Variants in ABCG1 observed in about 807,000 individuals in gnomAD.
The protein encoded by ABCG1 is ATP-binding cassette sub-family G member 1.
Under a neutral mutation model 69.2 loss-of-function variants are expected in ABCG1, and 29 were observed. The ratio of observed to expected loss-of-function variants is 0.42; its 90% CI spans 0.31 to 0.57. ABCG1 has a LOEUF of 0.57. Among genes scored for constraint, ABCG1 ranks in the 20% least tolerant of loss-of-function variants. The probability of loss-of-function intolerance (pLI) is 0.15; values close to 1 mark genes in which losing one functional copy is unlikely to be tolerated. For synonymous variants in ABCG1, 370 were observed against 374.8 expected (o/e 0.99, Z 0.15); for missense variants, 718 against 898.1 (o/e 0.80, Z 2.56).
At chr21:42,239,188 T>G (rs1288946864) in intron 2 of ABCG1, among the ~76,000 whole-genome samples, 1 of 152,162 alleles carries the variant, frequency 6.6e-6, no homozygotes, top group Admixed American at 6.5e-5. Context: ...GGGTTCAGAA[T>G]TGGCTCCACC....
chr21:42,259,543 TG>T, intron 2 of ABCG1: 4 of 1,528,436 alleles, frequency 2.6e-6, no homozygotes, highest in Non-Finnish European at 3.5e-6. Flanking sequence ...AGTCATCATG[TG>T]GGCCCTCAGG....
intron 2 of ABCG1, among the ~76,000 whole-genome samples, chr21:42,210,305 T>A (rs1334281034): frequency 1.3e-5 from 2 of 151,982 alleles, no homozygotes; most frequent in Non-Finnish European, 2.9e-5. Context: ...CCACACGGAG[T>A]CAGGGGTGGG....
Position 42,238,749 on chromosome 21 carries a change from G to A in ABCG1, c.286+12835G>A, listed in dbSNP as rs1165917192. Among the ~76,000 whole-genome samples the A allele has an allele frequency of 4.6e-5, 7 of 152,194 alleles. No individual in the cohort carries two copies. The East Asian group carries it at 5.8e-4, about 13-fold the overall frequency. ...GATGTGAGATGTTATCAGCTCCTGCGTGTTTTAGTCTTGTGGCTAGATGGT... is the reference window on the plus strand; with the variant it reads ...GATGTGAGATGTTATCAGCTCCTGCATGTTTTAGTCTTGTGGCTAGATGGT... On this transcript the variant is annotated intron_variant, in intron 2 of 14. Coordinates refer to ENST00000398449, the MANE Select transcript of ABCG1 (RefSeq NM_016818.3).
intron 2 of ABCG1, among the ~76,000 whole-genome samples, chr21:42,240,128 G>A (rs2068030150): frequency 6.6e-6 from 1 of 152,234 alleles, no homozygotes; most frequent in Non-Finnish European, 1.5e-5. Context: ...CAGGATGAGG[G>A]CGGCTGTAGC....
chr21:42,271,694 C>A (rs1368738146), intron 3 of ABCG1, among the ~76,000 whole-genome samples: 1 of 152,110 alleles, frequency 6.6e-6, no homozygotes, highest in Non-Finnish European at 1.5e-5. Flanking sequence ...CCAGCCTGGC[C>A]AACATGATGA....
chr21:42,293,614 C>CACTACACACACACCACAG, intron 13 of ABCG1, among the ~76,000 whole-genome samples: 1 of 104,302 alleles, frequency 9.6e-6, no homozygotes, highest in African/African-American at 3.3e-5. Flanking sequence ...ACACACCACA[C>CACTACACACACACCACAG]TACACACTAC....
In ABCG1 at chr21:42,219,709, A is replaced by G. The variant is rs2067689990; in HGVS notation, c.42+405A>G. ...GGGAAGAGGGGACTTGAAGAAGGGGAGCCCCGCGCGCGCGGCTGTGGGCTT... is the reference window on the plus strand; with the variant it reads ...GGGAAGAGGGGACTTGAAGAAGGGGGGCCCCGCGCGCGCGGCTGTGGGCTT... On this transcript the variant is annotated intron_variant, in intron 1 of 14. Coordinates refer to ENST00000398449, the MANE Select transcript of ABCG1 (RefSeq NM_016818.3). This position sits in a 1 kb window ranked among gnomAD's most constrained non-coding sequence, Gnocchi z 5.3. 2.1e-6 allele frequency: 2 copies of G among 943,930 alleles called. No homozygotes were observed. The highest frequency in any genetic ancestry group is 3.0e-6 in the Non-Finnish European group (2 of 668,108). The allele number at this position is 943,930 out of a possible 1,614,324, so 58.5% of individuals were successfully genotyped here.
chr21:42,271,208 C>A, intron 3 of ABCG1, 21 bp downstream of exon 3: 1 of 1,474,378 alleles, frequency 6.8e-7, no homozygotes, highest in African/African-American at 1.4e-5. Flanking sequence ...CTGCCCAGGG[C>A]GCAAAGTTCT....
chr21:42,234,585 C>G (rs111286849), intron 2 of ABCG1, among the ~76,000 whole-genome samples: 1 of 152,218 alleles, frequency 6.6e-6, no homozygotes, highest in Non-Finnish European at 1.5e-5. Context: ...CCTCCCAGGG[C>G]GGGATTCATC....
At chr21:42,210,821 CCT>C (rs2067581437) in intron 2 of ABCG1, among the ~76,000 whole-genome samples, 1 of 152,168 alleles carries the variant, frequency 6.6e-6, no homozygotes, top group African/African-American at 2.4e-5. Context: ...AAGAAGGGGT[CCT>C]CTCTATAGCT....
At chr21:42,290,974 A>T in intron 11 of ABCG1, 118 bp from the exon 12 acceptor site, 4 of 701,668 alleles carry the variant, frequency 5.7e-6, no homozygotes, top group Non-Finnish European at 7.5e-6. Flanking sequence ...TCAATCTCTC[A>T]GTGCCCTAGG....
At chr21:42,285,767 G>T (rs1178297582) in intron 7 of ABCG1, 113 bp from the exon 8 acceptor site, 2 of 765,708 alleles carry the variant, frequency 2.6e-6, no homozygotes, top group East Asian at 2.5e-5. Flanking sequence ...GTGGCTGATC[G>T]CTGGGCTGAC....
At chr21:42,289,035 C>A (rs945558637) in intron 10 of ABCG1, among the ~76,000 whole-genome samples, 1 of 152,226 alleles carries the variant, frequency 6.6e-6, no homozygotes, top group African/African-American at 2.4e-5. Flanking sequence ...CAGGCCCCAT[C>A]TCCAACATTG....
At chr21:42,259,342 CT>C in intron 2 of ABCG1, 2 of 1,549,944 alleles carry the variant, frequency 1.3e-6, no homozygotes, top group Non-Finnish European at 1.7e-6. Context: ...CAGGTGGCAG[CT>C]TTAGCTTCTG....
At position 42,288,321 on chromosome 21, in the gene ABCG1, G is replaced by GC. The variant is rs2234720; in HGVS notation, c.1224+12dup. The GC allele has an allele frequency of 0.36, 570,855 of 1,596,926 alleles. 103,463 individuals carry two copies. Among genetic ancestry groups the GC allele is most frequent in the Non-Finnish European group, 0.36 (422,576 of 1,164,968 alleles). The stretch of plus-strand genomic sequence containing the variant: ...GCATCATGAGGGACTCGGTAAGGCT[G>GC]CCCGCATCTTCTCCTGTAGCTGGGG... On this transcript the variant is annotated intron_variant, in intron 10 of 14. Transcript: ENST00000398449. This position sits in a 1 kb window ranked among gnomAD's most constrained non-coding sequence, Gnocchi z 4.8.
chr21:42,229,250 ACTT>A (rs2067865742), intron 2 of ABCG1, among the ~76,000 whole-genome samples: 1 of 152,186 alleles, frequency 6.6e-6, no homozygotes, highest in Non-Finnish European at 1.5e-5. Flanking sequence ...GTCAGGGGCT[ACTT>A]CTCTGACTGC....
In ABCG1 at chr21:42,287,887, A is replaced by G. The variant is rs2068973753; in HGVS notation, c.974-2A>G. ...GCTGACCCCCGTCTGTGTCTCCTGCAGTCATGGAGGTTGCATCCGGCGAGT... is the reference window on the plus strand; with the variant it reads ...GCTGACCCCCGTCTGTGTCTCCTGCGGTCATGGAGGTTGCATCCGGCGAGT... On this transcript the variant is annotated splice_acceptor_variant, in intron 8 of 14. Transcript: ENST00000398449. LOFTEE classifies it high-confidence loss of function. The surrounding 1 kb of genome is among the most constrained non-coding windows in gnomAD (Gnocchi z 6.2). 6.4e-7 allele frequency: 1 copy of G among 1,568,036 alleles called. No individual in the cohort carries two copies. Among genetic ancestry groups the G allele is most frequent in the Non-Finnish European group, 8.7e-7 (1 of 1,154,358 alleles).
chr21:42,236,216 A>T (rs1049147243), intron 2 of ABCG1, among the ~76,000 whole-genome samples: 2 of 152,228 alleles, frequency 1.3e-5, no homozygotes, highest in Non-Finnish European at 2.9e-5. Flanking sequence ...TCATGCGGCA[A>T]GGTCACGCTT....
chr21:42,260,107 GT>G, intron 2 of ABCG1: 1 of 1,550,654 alleles, frequency 6.4e-7, no homozygotes, highest in Non-Finnish European at 8.7e-7. Flanking sequence ...AGGGCCTATG[GT>G]TGGGGGTTTC....
Sources: allele counts gnomAD v4.1 joint callset (sites outside exome capture counted in the v4.1 genomes callset), GRCh38; gene constraint gnomAD v4.1.1; non-coding constraint Gnocchi (gnomAD v3.1); transcripts MANE v1.5; gene names NCBI Gene and HGNC (gene_info 2026-07-23, HGNC 2026-07-21).